The following SRBD1 variants were observed in gnomAD, a reference collection of about 807,000 sequenced individuals.
The protein encoded by SRBD1 is S1 RNA-binding domain-containing protein 1.
Under a neutral mutation model 115.3 loss-of-function variants are expected in SRBD1, and 88 were observed. The observed-to-expected ratio is 0.76, with a 90% confidence interval of 0.64 to 0.91. The LOEUF (loss-of-function observed/expected upper bound fraction) is 0.91, where lower values mean the gene tolerates loss of function less well. SRBD1 is among the 40% of genes least tolerant of loss of function. The pLI is 0.00. For missense variants in SRBD1, 1,385 were observed against 1,177.4 expected, an observed-to-expected ratio of 1.18 and a Z score of -2.58; for synonymous variants, 509 against 407.7, an observed-to-expected ratio of 1.25 and a Z score of -2.99.
At chr2:45,439,513 T>TA (rs538659743) in intron 16 of SRBD1, among the ~76,000 whole-genome samples, 4 of 150,738 alleles carry the variant, frequency 2.7e-5, no homozygotes, top group South Asian at 4.2e-4. Flanking sequence ...GTAACCACTT[T>TA]AAAAAAAATG....
At chr2:45,480,358 C>T (rs1572686633) in intron 15 of SRBD1, among the ~76,000 whole-genome samples, 2 of 152,110 alleles carry the variant, frequency 1.3e-5, no homozygotes, top group African/African-American at 4.8e-5. Context: ...ATTCTAGATG[C>T]TATTAATAAC....
intron 10 of SRBD1, among the ~76,000 whole-genome samples, chr2:45,555,018 T>C (rs1344032708): frequency 6.6e-6 from 1 of 151,604 alleles, no homozygotes; most frequent in Non-Finnish European, 1.5e-5. Context: ...CATATGCTGA[T>C]GATTTTATCC....
chr2:45,440,471 C>T (rs1377676211), intron 16 of SRBD1, among the ~76,000 whole-genome samples: 1 of 152,118 alleles, frequency 6.6e-6, no homozygotes, highest in East Asian at 1.9e-4. Flanking sequence ...TTACCATAAA[C>T]AAAGAAAACA....
At chr2:45,413,563 A>G (rs140328166) in intron 18 of SRBD1, among the ~76,000 whole-genome samples, 4 of 152,136 alleles carry the variant, frequency 2.6e-5, no homozygotes, top group Non-Finnish European at 5.9e-5. Flanking sequence ...CAAAATAATA[A>G]TATTTCCCAG....
At chr2:45,608,643 A>C (rs1270357906) in intron 1 of SRBD1, among the ~76,000 whole-genome samples, 3 of 151,836 alleles carry the variant, frequency 2.0e-5, no homozygotes, top group African/African-American at 4.8e-5. Context: ...TAACATTCAG[A>C]TTTCTATAAT....
chr2:45,446,528 G>C (rs754409896), intron 16 of SRBD1, among the ~76,000 whole-genome samples: 1 of 152,076 alleles, frequency 6.6e-6, no homozygotes, highest in Non-Finnish European at 1.5e-5. Flanking sequence ...TCCCAAGTCT[G>C]AGTTTTCAAG....
At chr2:45,514,146 G>A (rs370677330) in intron 14 of SRBD1, among the ~76,000 whole-genome samples, 8 of 152,236 alleles carry the variant, frequency 5.3e-5, no homozygotes, top group South Asian at 2.1e-4. Flanking sequence ...ATATGATTAC[G>A]AAAAGTCTGA....
At chr2:45,515,639 A>G (rs901341605) in intron 14 of SRBD1, among the ~76,000 whole-genome samples, 3 of 152,036 alleles carry the variant, frequency 2.0e-5, no homozygotes, top group African/African-American at 7.2e-5. Flanking sequence ...GGAGGCAGTG[A>G]CTCTACCACC....
intron 5 of SRBD1, among the ~76,000 whole-genome samples, chr2:45,584,378 A>C (rs1027844411): frequency 3.9e-5 from 6 of 152,178 alleles, no homozygotes; most frequent in Non-Finnish European, 8.8e-5. Flanking sequence ...TATTTGATTT[A>C]GTCATTTATA....
chr2:45,466,135 G>A (rs896194180), intron 16 of SRBD1, among the ~76,000 whole-genome samples: 2 of 152,140 alleles, frequency 1.3e-5, no homozygotes, highest in Admixed American at 6.5e-5. Context: ...TGTGATTTCA[G>A]ACACTTAACA....
intron 18 of SRBD1, among the ~76,000 whole-genome samples, chr2:45,414,716 A>ACACACACAGTGTG (rs1259308366): frequency 1.0e-5 from 1 of 97,606 alleles, no homozygotes; most frequent in Non-Finnish European, 2.5e-5. Context: ...TATAGTATGT[A>ACACACACAGTGTG]TATACACACA....
intron 12 of SRBD1, among the ~76,000 whole-genome samples, chr2:45,548,652 C>G (rs1170496378): frequency 6.7e-6 from 1 of 149,452 alleles, no homozygotes; most frequent in Non-Finnish European, 1.5e-5. Flanking sequence ...TTAAAAAATT[C>G]TAGTAATATA....
chr2:45,451,275 T>A (rs1184381780), intron 16 of SRBD1, among the ~76,000 whole-genome samples: 2 of 152,132 alleles, frequency 1.3e-5, no homozygotes, highest in African/African-American at 4.8e-5. Flanking sequence ...TGGCATTTAT[T>A]CTCACCGTCT....
At chr2:45,507,584 G>C (rs1670835465) in intron 14 of SRBD1, among the ~76,000 whole-genome samples, 2 of 151,866 alleles carry the variant, frequency 1.3e-5, no homozygotes, top group African/African-American at 4.8e-5. Context: ...AGCCCGGCAT[G>C]GTGGCGGGCA....
chr2:45,567,983 G>GT (rs1672887480), intron 9 of SRBD1: 1 of 152,174 alleles, frequency 6.6e-6, no homozygotes, highest in African/African-American at 2.4e-5. Context: ...AGGGAATAAG[G>GT]TAACAGAAAT....
intron 14 of SRBD1, among the ~76,000 whole-genome samples, chr2:45,503,297 G>A (rs1670693266): frequency 6.6e-6 from 1 of 152,116 alleles, no homozygotes. Flanking sequence ...ATGGGCCTGA[G>A]CTATCACCTA....
At chr2:45,398,741 G>C (rs1667215034) in intron 19 of SRBD1, among the ~76,000 whole-genome samples, 1 of 152,024 alleles carries the variant, frequency 6.6e-6, no homozygotes, top group South Asian at 2.1e-4. Flanking sequence ...GTTGAACAGT[G>C]CTCATATAGT....
chr2:45,451,565 G>T (rs903996075), intron 16 of SRBD1, among the ~76,000 whole-genome samples: 3 of 151,972 alleles, frequency 2.0e-5, no homozygotes, highest in Admixed American at 2.0e-4. Context: ...CTCTGCAGAA[G>T]ATCTGCCGGC....
chr2:45,413,292 G>C lies in SRBD1; in HGVS notation c.2335C>G (p.Gln779Glu), dbSNP rs140604624. 5 of 1,611,630 alleles carry C rather than the reference G, an allele frequency of 3.1e-6. No individual in the cohort carries two copies. Among genetic ancestry groups the C allele is most frequent in the Non-Finnish European group, 4.2e-6 (5 of 1,179,446 alleles). ...ATTTGGCCTGAAGTTTCAGTTTGCTGACTATATAAAACCAGAAAAAACCAC... is the reference window on the plus strand; with the variant it reads ...ATTTGGCCTGAAGTTTCAGTTTGCTCACTATATAAAACCAGAAAAAACCAC... ...NQDYIRTFCSQQTETSGQIQG... is the reference protein window; with the variant it reads ...NQDYIRTFCSEQTETSGQIQG... The change falls in exon 19 of 21, where the codon CAG becomes GAG. Residue 779 changes from glutamine to glutamate, a missense_variant and splice_region_variant. Physicochemically the swap from Gln to Glu is conservative, Grantham distance 29. Transcript: ENST00000263736.
Sources: gnomAD v4.1 joint callset for allele counts (sites outside exome capture counted in the v4.1 genomes callset) on GRCh38, gnomAD v4.1.1 for gene constraint, MANE v1.5 for transcripts, NCBI Gene and HGNC (gene_info 2026-07-23, HGNC 2026-07-21) for gene names.